Variants in PSD3 observed in about 807,000 individuals in gnomAD.
PSD3 encodes the protein pleckstrin and Sec7 domain containing 3.
Under a neutral mutation model 105.5 loss-of-function variants are expected in PSD3, and 49 were observed. That is an observed-to-expected ratio of 0.46 (90% confidence interval 0.37 to 0.59). PSD3 has a LOEUF of 0.59. PSD3 is among the 20% of genes least tolerant of loss of function. The pLI, the probability that PSD3 is intolerant of heterozygous loss-of-function variation, is 0.00. For synonymous variants in PSD3, 557 were observed against 457.8 expected (o/e 1.22, Z -2.77); for missense variants, 1,561 against 1,263.8 (o/e 1.24, Z -3.57).
intron 4 of PSD3, among the ~76,000 whole-genome samples, chr8:18,806,030 A>G (rs1811165397): frequency 6.6e-6 from 1 of 152,220 alleles, no homozygotes; most frequent in African/African-American, 2.4e-5. Context: ...CCTGGAGACT[A>G]CCAGGAACAG....
intron 1 of PSD3, among the ~76,000 whole-genome samples, chr8:19,063,299 T>C (rs1024994714): frequency 1.3e-5 from 2 of 152,196 alleles, no homozygotes; most frequent in African/African-American, 4.8e-5. Flanking sequence ...CTAACCAAAA[T>C]ATTTCAATTT....
chr8:19,031,082 C>T (rs1033151626), intron 1 of PSD3, among the ~76,000 whole-genome samples: 2 of 152,142 alleles, frequency 1.3e-5, no homozygotes, highest in Non-Finnish European at 2.9e-5. Flanking sequence ...ACCAGCAGCA[C>T]GATATACCAC....
chr8:18,716,965 T>G (rs1404414755), intron 9 of PSD3, among the ~76,000 whole-genome samples: 1 of 152,216 alleles, frequency 6.6e-6, no homozygotes, highest in Non-Finnish European at 1.5e-5. Flanking sequence ...GACACCCACC[T>G]CTTGCCAGGC....
intron 11 of PSD3, among the ~76,000 whole-genome samples, chr8:18,614,358 C>A: frequency 1.6e-5 from 2 of 126,874 alleles, no homozygotes; most frequent in Non-Finnish European, 1.6e-5. Flanking sequence ...CCAAAAAAAT[C>A]AGATGTCCTA....
intron 9 of PSD3, among the ~76,000 whole-genome samples, chr8:18,727,967 G>T (rs1360237142): frequency 6.6e-6 from 1 of 151,878 alleles, no homozygotes; most frequent in Non-Finnish European, 1.5e-5. Flanking sequence ...ATGAGGGCAG[G>T]GATTTTTCAC....
intron 1 of PSD3, among the ~76,000 whole-genome samples, chr8:18,947,051 T>A (rs968768169): frequency 1.3e-5 from 2 of 152,106 alleles, no homozygotes; most frequent in Non-Finnish European, 2.9e-5. Flanking sequence ...ATGGCTCACG[T>A]ATGCCCTACA....
At chr8:19,074,060 G>T (rs1170816381) in intron 1 of PSD3, among the ~76,000 whole-genome samples, 1 of 152,116 alleles carries the variant, frequency 6.6e-6, no homozygotes, top group East Asian at 1.9e-4. Flanking sequence ...AAAGTGCCGA[G>T]ATTACAGGCC....
chr8:18,914,868 C>T (rs958393800), intron 2 of PSD3, among the ~76,000 whole-genome samples: 1 of 152,114 alleles, frequency 6.6e-6, no homozygotes, highest in African/African-American at 2.4e-5. Flanking sequence ...AAAATTCATA[C>T]AGAACCAAAA....
intron 9 of PSD3, among the ~76,000 whole-genome samples, chr8:18,658,097 C>G (rs1809034571): frequency 6.6e-6 from 1 of 152,206 alleles, no homozygotes. Flanking sequence ...ATTCCACAGA[C>G]TTGCAGTATT....
chr8:18,545,740 A>G (rs1440212347), intron 15 of PSD3, among the ~76,000 whole-genome samples: 1 of 152,166 alleles, frequency 6.6e-6, no homozygotes, highest in Non-Finnish European at 1.5e-5. Context: ...TTCTGATTGT[A>G]CTGGAATTCC....
intron 4 of PSD3, among the ~76,000 whole-genome samples, chr8:18,853,878 C>G (rs1002950788): frequency 6.6e-6 from 1 of 152,124 alleles, no homozygotes; most frequent in African/African-American, 2.4e-5. Flanking sequence ...TCATTTTGCC[C>G]AAACATTGTA....
At chr8:18,992,836 T>C (rs1313311833) in intron 1 of PSD3, among the ~76,000 whole-genome samples, 5 of 150,362 alleles carry the variant, frequency 3.3e-5, no homozygotes, top group Admixed American at 2.7e-4. Context: ...ATTTGCAAAA[T>C]GACATGAGAC....
intron 2 of PSD3, among the ~76,000 whole-genome samples, chr8:18,889,877 C>G (rs993400899): frequency 1.3e-5 from 2 of 152,166 alleles, no homozygotes; most frequent in Non-Finnish European, 2.9e-5. Flanking sequence ...CAATGTATTT[C>G]CAGACTCGAA....
chr8:18,650,570 C>G (rs558472262), intron 10 of PSD3, among the ~76,000 whole-genome samples: 1 of 152,282 alleles, frequency 6.6e-6, no homozygotes, highest in Admixed American at 6.5e-5. Context: ...GTATTTTTAT[C>G]TTTGTACAGT....
intron 2 of PSD3, among the ~76,000 whole-genome samples, chr8:18,929,942 T>A (rs904222378): frequency 2.6e-5 from 4 of 152,260 alleles, no homozygotes; most frequent in Admixed American, 1.3e-4. Context: ...TAAATAAAAC[T>A]ATAAAAATGT....
rs545860867 is a variant in PSD3 at position 18,958,869 on chromosome 8, T to C, written c.22-22727A>G. On this transcript the variant is annotated intron_variant, in intron 1 of 15. Transcript: ENST00000327040. ...AAACATCATACTTAATGGTGAAATT[T>C]TGTTCCAATAAGTCCTATATACAAA... Among the ~76,000 whole-genome samples the C allele has an allele frequency of 4.9e-4, 75 of 152,228 alleles. 1 individual carries two copies. The Middle Eastern group carries it at 0.01, about 21-fold the overall frequency.
intron 9 of PSD3, among the ~76,000 whole-genome samples, chr8:18,657,734 T>A (rs1412766695): frequency 6.6e-6 from 1 of 152,176 alleles, no homozygotes; most frequent in African/African-American, 2.4e-5. Flanking sequence ...ATTACTTGCA[T>A]GAGCCATTTT....
chr8:19,041,154 C>A (rs891209111), intron 1 of PSD3, among the ~76,000 whole-genome samples: 3 of 152,176 alleles, frequency 2.0e-5, no homozygotes, highest in Non-Finnish European at 4.4e-5. Flanking sequence ...GCCTCAGCCT[C>A]CCAAAGTGCT....
intron 2 of PSD3, among the ~76,000 whole-genome samples, chr8:18,902,997 T>A (rs1586374603): frequency 6.6e-6 from 1 of 152,014 alleles, no homozygotes; most frequent in Non-Finnish European, 1.5e-5. Flanking sequence ...GGGGCCAGGG[T>A]CCTAGGCTCA....
Sources: allele counts gnomAD v4.1 joint callset (sites outside exome capture counted in the v4.1 genomes callset), GRCh38; gene constraint gnomAD v4.1.1; transcripts MANE v1.5; gene names NCBI Gene and HGNC (gene_info 2026-07-23, HGNC 2026-07-21).